Variants in GUCY1A2 observed in about 807,000 individuals in gnomAD.
GUCY1A2 encodes guanylate cyclase 1 soluble subunit alpha 2, also known as guanylate cyclase soluble subunit alpha-2.
A neutral mutation model predicts 63.5 loss-of-function variants in GUCY1A2; 27 were observed. That is an observed-to-expected ratio of 0.43 (90% CI 0.31 to 0.59). The LOEUF is 0.59. Among genes scored for constraint, GUCY1A2 ranks in the 20% least tolerant of loss-of-function variants. GUCY1A2 has a pLI of 0.11. For missense variants in GUCY1A2, 768 were observed against 913.3 expected, an observed-to-expected ratio of 0.84 and a Z score of 2.05; for synonymous variants, 364 against 343.5, an observed-to-expected ratio of 1.06 and a Z score of -0.66.
chr11:106,764,130 C>A (rs1039200090), intron 6 of GUCY1A2, among the ~76,000 whole-genome samples: 2 of 152,014 alleles, frequency 1.3e-5, no homozygotes, highest in Admixed American at 1.3e-4. Context: ...TATCAATTTT[C>A]AACTCATTCT....
chr11:106,974,027 A>G (rs760971537), intron 3 of GUCY1A2, among the ~76,000 whole-genome samples: 22 of 152,238 alleles, frequency 1.4e-4, no homozygotes, highest in Non-Finnish European at 1.3e-4. Flanking sequence ...TCGTGCAGCT[A>G]GTAAGTAGCT....
chr11:106,873,668 G>C (rs1252201849), intron 4 of GUCY1A2, among the ~76,000 whole-genome samples: 3 of 151,946 alleles, frequency 2.0e-5, no homozygotes, highest in Non-Finnish European at 4.4e-5. Flanking sequence ...CTGGATATTA[G>C]ACCTTTGTCA....
intron 5 of GUCY1A2, among the ~76,000 whole-genome samples, chr11:106,777,171 G>A (rs1418097586): frequency 6.6e-6 from 1 of 152,086 alleles, no homozygotes; most frequent in Non-Finnish European, 1.5e-5. Context: ...CAAGTATTGG[G>A]CCAGGTGCAG....
At chr11:106,758,124 C>A (rs1389118024) in intron 6 of GUCY1A2, among the ~76,000 whole-genome samples, 1 of 152,192 alleles carries the variant, frequency 6.6e-6, no homozygotes, top group Admixed American at 6.5e-5. Context: ...AGCTTACTGG[C>A]AGCTTTGTTT....
intron 1 of GUCY1A2, among the ~76,000 whole-genome samples, chr11:107,017,036 A>T (rs535118100): frequency 0.02 from 2,981 of 152,084 alleles, 95 homozygotes; most frequent in African/African-American, 0.065. Flanking sequence ...ACTTTAAATT[A>T]AATTTAATTT....
chr11:106,720,399 A>T (rs1020496861), intron 6 of GUCY1A2, among the ~76,000 whole-genome samples: 3 of 152,204 alleles, frequency 2.0e-5, no homozygotes, highest in Admixed American at 6.5e-5. Context: ...AAGCTTATGC[A>T]TGCCAAAAGA....
intron 1 of GUCY1A2, among the ~76,000 whole-genome samples, chr11:106,992,552 G>C (rs1024804442): frequency 1.3e-5 from 2 of 151,714 alleles, no homozygotes; most frequent in Non-Finnish European, 2.9e-5. Flanking sequence ...GGATGGTCTC[G>C]ATCTCCTGAC....
intron 4 of GUCY1A2, among the ~76,000 whole-genome samples, chr11:106,869,096 T>A (rs562240144): frequency 6.6e-6 from 1 of 152,152 alleles, no homozygotes; most frequent in Non-Finnish European, 1.5e-5. Context: ...ACACCTTATA[T>A]GAAAATTAAT....
intron 4 of GUCY1A2, among the ~76,000 whole-genome samples, chr11:106,821,511 G>A (rs956058050): frequency 6.6e-6 from 1 of 152,190 alleles, no homozygotes; most frequent in East Asian, 1.9e-4. Context: ...TCCCATGGGA[G>A]ATGTGGGTTC....
chr11:106,911,897 C>CT (rs1316270067), intron 4 of GUCY1A2, among the ~76,000 whole-genome samples: 4 of 152,120 alleles, frequency 2.6e-5, no homozygotes, highest in Admixed American at 2.6e-4. Flanking sequence ...ACCAAATACT[C>CT]TAATATTTCT....
At chr11:106,862,329 T>TA (rs11309221) in intron 4 of GUCY1A2, among the ~76,000 whole-genome samples, 1 of 151,820 alleles carries the variant, frequency 6.6e-6, no homozygotes, top group African/African-American at 2.4e-5. Flanking sequence ...GAATGAGATA[T>TA]AAAAAAAACA....
At chr11:106,782,079 C>T (rs145463170) in intron 5 of GUCY1A2, among the ~76,000 whole-genome samples, 22 of 152,204 alleles carry the variant, frequency 1.4e-4, no homozygotes, top group Non-Finnish European at 2.8e-4. Context: ...CCAAAAAGAA[C>T]AATGTACACA....
At chr11:106,715,204 A>C (rs1008547001) in intron 6 of GUCY1A2, among the ~76,000 whole-genome samples, 1 of 152,126 alleles carries the variant, frequency 6.6e-6, no homozygotes, top group African/African-American at 2.4e-5. Flanking sequence ...AACTGCATTA[A>C]AAAAAATTCC....
At chr11:106,699,177 T>C (rs76084873) in intron 7 of GUCY1A2, among the ~76,000 whole-genome samples, 3,755 of 152,266 alleles carry the variant, frequency 0.025, 155 homozygotes, top group East Asian at 0.15. Flanking sequence ...ACTGTGGACA[T>C]CTAAAAGAAC....
At chr11:106,841,309 G>A (rs779497208) in intron 4 of GUCY1A2, among the ~76,000 whole-genome samples, 2 of 151,656 alleles carry the variant, frequency 1.3e-5, no homozygotes, top group Non-Finnish European at 2.9e-5. Context: ...CAATATGTTA[G>A]GTGTATTTGA....
chr11:106,713,763 C>A (rs1450292430), intron 6 of GUCY1A2, among the ~76,000 whole-genome samples: 1 of 151,964 alleles, frequency 6.6e-6, no homozygotes, highest in South Asian at 2.1e-4. Flanking sequence ...TCCTCGACCT[C>A]CCAAAGTGCT....
At chr11:107,009,014 C>T (rs1213407679) in intron 1 of GUCY1A2, among the ~76,000 whole-genome samples, 1 of 152,162 alleles carries the variant, frequency 6.6e-6, no homozygotes, top group Non-Finnish European at 1.5e-5. Flanking sequence ...ATTAAGGTAA[C>T]ATCAGGACCT....
chr11:106,972,236 T>C (rs1861205149), intron 3 of GUCY1A2, among the ~76,000 whole-genome samples: 1 of 152,184 alleles, frequency 6.6e-6, no homozygotes, highest in Non-Finnish European at 1.5e-5. Context: ...AATATTGTTT[T>C]ATAAATTGGG....
intron 3 of GUCY1A2, among the ~76,000 whole-genome samples, chr11:106,949,047 A>G (rs1860868896): frequency 6.6e-6 from 1 of 152,202 alleles, no homozygotes; most frequent in South Asian, 2.1e-4. Context: ...AACTGTCAAA[A>G]TAATTTAGAA....
Sources: allele counts gnomAD v4.1 joint callset (sites outside exome capture counted in the v4.1 genomes callset), GRCh38; gene constraint gnomAD v4.1.1; transcripts MANE v1.5; gene names NCBI Gene and HGNC (gene_info 2026-07-23, HGNC 2026-07-21).